PRKCH: variants seen among roughly 807,000 people sequenced by gnomAD.
PRKCH encodes the protein protein kinase C eta, also known as protein kinase C eta type.
A neutral mutation model predicts 82.5 loss-of-function variants in PRKCH; 28 were observed. The observed-to-expected ratio is 0.34, with a 90% CI of 0.25 to 0.47. The LOEUF (loss-of-function observed/expected upper bound fraction) is 0.47, where lower values mean the gene tolerates loss of function less well. Among genes scored for constraint, PRKCH ranks in the 20% least tolerant of loss-of-function variants. The pLI, the probability that PRKCH is intolerant of heterozygous loss-of-function variation, is 1.00. For missense variants in PRKCH, 705 were observed against 881.8 expected (o/e 0.80, Z 2.54); for synonymous variants, 322 against 327.4 (o/e 0.98, Z 0.18).
In PRKCH at chr14:61,248,748, TTATGTATGTATG is replaced by T. The variant is rs57245411; in HGVS notation, c.-19+61122_-19+61133del. On this transcript the variant is annotated intron_variant, in intron 1 of 3. Transcript: ENST00000555185. Reference sequence around the variant, plus strand: ...TTAAAACTCACCTAATTCAATGGTTTTATGTATGTATGTATGTATGTATGTATGTATGTATGT... The same window carrying T: ...TTAAAACTCACCTAATTCAATGGTTTTATGTATGTATGTATGTATGTATGT... Among the ~76,000 whole-genome samples, 253 of 142,020 alleles carry T rather than the reference TTATGTATGTATG, an allele frequency of 1.8e-3. 1 individual carries two copies. The highest frequency in any genetic ancestry group is 5.9e-3 in the African/African-American group (227 of 38,296). 93.2% of individuals were successfully genotyped at this position (142,020 alleles called of 152,430 possible).
At chr14:61,243,989 T>C (rs2044861086) in intron 1 of PRKCH, among the ~76,000 whole-genome samples, 1 of 151,512 alleles carries the variant, frequency 6.6e-6, no homozygotes. Context: ...GCTTTCTCTA[T>C]ACAGGGAGCC....
intron 1 of PRKCH, among the ~76,000 whole-genome samples, chr14:61,361,779 G>A (rs1248329108): frequency 6.6e-6 from 1 of 152,212 alleles, no homozygotes; most frequent in East Asian, 1.9e-4. Context: ...AGGAAGGTAA[G>A]CTGACTCATT....
chr14:61,259,453 G>A (rs1055229581), intron 1 of PRKCH, among the ~76,000 whole-genome samples: 2 of 152,176 alleles, frequency 1.3e-5, no homozygotes, highest in Non-Finnish European at 2.9e-5. Context: ...AGTAAGAGTG[G>A]AAGAGACAGA....
intron 2 of PRKCH, among the ~76,000 whole-genome samples, chr14:61,414,438 AATTTTTGT>A (rs1036905078): frequency 4.0e-5 from 6 of 151,678 alleles, no homozygotes; most frequent in African/African-American, 1.5e-4. Context: ...ATGCCCAGCT[AATTTTTGT>A]ATTTTTGATA....
In PRKCH at chr14:61,444,656, T is replaced by C. The variant is rs556371445; in HGVS notation, c.579-1036T>C. 3.3e-5 allele frequency among the ~76,000 whole-genome samples: 5 copies of C among 152,302 alleles called. No homozygotes were observed. The South Asian group carries it at 1.0e-3, about 32-fold the overall frequency. Reference sequence around the variant, plus strand: ...CACACACACTTAAAATATTGGTGTATATATTAATATATATGGCTAAGAGTA... The same window carrying C: ...CACACACACTTAAAATATTGGTGTACATATTAATATATATGGCTAAGAGTA... On this transcript the variant is annotated intron_variant, in intron 3 of 13. Coordinates refer to ENST00000332981, the MANE Select transcript of PRKCH (RefSeq NM_006255.5).
chr14:61,315,813 T>A (rs1391439673), intron 1 of PRKCH, among the ~76,000 whole-genome samples: 2 of 150,960 alleles, frequency 1.3e-5, no homozygotes, highest in African/African-American at 2.4e-5. Context: ...AATGGCGTGA[T>A]CTTGGCTCAC....
intron 1 of PRKCH, among the ~76,000 whole-genome samples, chr14:61,215,635 G>A (rs929674798): frequency 6.6e-6 from 1 of 152,136 alleles, no homozygotes; most frequent in African/African-American, 2.4e-5. Context: ...AAATATTTAT[G>A]AACAATAGGT....
chr14:61,352,556 C>T (rs541413601), intron 1 of PRKCH, among the ~76,000 whole-genome samples: 25 of 151,732 alleles, frequency 1.6e-4, no homozygotes, highest in African/African-American at 5.6e-4. Context: ...CCCAGCTACT[C>T]GGGAAGCTGA....
rs557092330 is a variant in PRKCH, at chr14:61,440,279, C to T, written c.428-2832C>T. 3.3e-5 allele frequency among the ~76,000 whole-genome samples: 5 copies of T among 152,298 alleles called. No homozygotes were observed. The East Asian group carries it at 9.6e-4, about 29-fold the overall frequency. On this transcript the variant is annotated intron_variant, in intron 2 of 13. Transcript: ENST00000332981. ...GTAGTAACTTTTGTTCTTCCGCAGT[C>T]CTTAGAACCTGTCAGGATTATTGGT...
In PRKCH at chr14:61,219,147, C is replaced by G. The variant is rs114635303; in HGVS notation, c.-19+31479C>G. Among the ~76,000 whole-genome samples, 492 of 152,330 alleles carry G rather than the reference C, an allele frequency of 3.2e-3. 8 individuals are homozygous for G. Among genetic ancestry groups the G allele is most frequent in the African/African-American group, 0.012 (479 of 41,560 alleles). ...GAAGCTGAGAATGAATTTGGATCTC[C>G]ATAGGTGTGTTATAGGGGCTCATTA... On this transcript the variant is annotated intron_variant, in intron 1 of 3. Transcript: ENST00000555185.
rs147310859 is a variant in PRKCH, at chr14:61,423,420, G to C, written c.428-19691G>C. Reference sequence around the variant, plus strand: ...GACAGTTGAATGACTGTGCCAGATCGTGACAGTTACCTGGAGTACCGTGCA... The same window carrying C: ...GACAGTTGAATGACTGTGCCAGATCCTGACAGTTACCTGGAGTACCGTGCA... On this transcript the variant is annotated intron_variant, in intron 2 of 13. Coordinates refer to ENST00000332981, the MANE Select transcript of PRKCH (RefSeq NM_006255.5). Among the ~76,000 whole-genome samples the C allele has an allele frequency of 5.9e-5, 9 of 152,312 alleles. No individual in the cohort carries two copies. In the East Asian group the frequency reaches 1.7e-3, roughly 29 times the overall value.
chr14:61,202,147 G>C (rs2044486510), intron 1 of PRKCH, among the ~76,000 whole-genome samples: 2 of 152,296 alleles, frequency 1.3e-5, no homozygotes, highest in South Asian at 2.1e-4. Flanking sequence ...AGCCCCCCAG[G>C]GGGCTCTGGG....
chr14:61,388,659 T>G lies in PRKCH; in HGVS notation c.364-2566T>G, dbSNP rs529702959. 2.0e-5 allele frequency among the ~76,000 whole-genome samples: 3 copies of G among 152,280 alleles called. No individual in the cohort carries two copies. The East Asian group carries it at 5.8e-4, about 29-fold the overall frequency. ...AGTGTGGCTTTTAAAAATAATGTATTTTTGACTTGAAACAAGTCAAGGCAG... is the reference window on the plus strand; with the variant it reads ...AGTGTGGCTTTTAAAAATAATGTATGTTTGACTTGAAACAAGTCAAGGCAG... On this transcript the variant is annotated intron_variant, in intron 1 of 13. Transcript: ENST00000332981.
At position 61,189,101 on chromosome 14, in the gene PRKCH, G is replaced by A. The variant is rs1408420567; in HGVS notation, c.-19+1433G>A. ...GGATCGAAAGACGATCTGCTCCTTCGGAAGAAAACACAGGGTGCGGCGGTG... is the reference window on the plus strand; with the variant it reads ...GGATCGAAAGACGATCTGCTCCTTCAGAAGAAAACACAGGGTGCGGCGGTG... On this transcript the variant is annotated intron_variant, in intron 1 of 3. Coordinates refer to the PRKCH transcript ENST00000555185. Among the ~76,000 whole-genome samples, 4 of 152,340 alleles carry A rather than the reference G, an allele frequency of 2.6e-5. No individual in the cohort carries two copies. In the East Asian group the frequency reaches 7.7e-4, roughly 29 times the overall value.
chr14:61,532,785 G>C (rs1294746927), intron 12 of PRKCH, among the ~76,000 whole-genome samples: 2 of 152,184 alleles, frequency 1.3e-5, no homozygotes, highest in Admixed American at 6.5e-5. Flanking sequence ...ACAGCCTCTG[G>C]TGCCTAAGGA....
intron 2 of PRKCH, among the ~76,000 whole-genome samples, chr14:61,425,358 G>A (rs927134268): frequency 6.6e-6 from 1 of 152,228 alleles, no homozygotes; most frequent in Non-Finnish European, 1.5e-5. Flanking sequence ...AGCTGCCCAA[G>A]GCTATGGGAG....
At chr14:61,188,354 G>GC (rs2044378934) in intron 1 of PRKCH, among the ~76,000 whole-genome samples, 1 of 152,152 alleles carries the variant, frequency 6.6e-6, no homozygotes, top group Non-Finnish European at 1.5e-5. Context: ...CTCAGCTTCT[G>GC]CCCCCGCCCA....
chr14:61,455,189 C>T (rs954939794), intron 7 of PRKCH, among the ~76,000 whole-genome samples: 13 of 138,440 alleles, frequency 9.4e-5, no homozygotes, highest in Non-Finnish European at 1.9e-4. Context: ...GCCACCACGC[C>T]CAGCTAATTT....
intron 1 of PRKCH, among the ~76,000 whole-genome samples, chr14:61,329,843 G>T (rs76866439): frequency 2.0e-5 from 3 of 152,180 alleles, no homozygotes; most frequent in African/African-American, 7.2e-5. Flanking sequence ...GAATGGATTG[G>T]CCTCTAATGG....
Sources: allele counts gnomAD v4.1 joint callset (sites outside exome capture counted in the v4.1 genomes callset), GRCh38; gene constraint gnomAD v4.1.1; transcripts MANE v1.5; gene names NCBI Gene and HGNC (gene_info 2026-07-23, HGNC 2026-07-21).